CMSS1: variants seen among roughly 807,000 people sequenced by gnomAD.
The protein encoded by CMSS1 is cms1 ribosomal small subunit homolog.
CMSS1 carries 33 observed loss-of-function variants against 43.5 expected under a neutral mutation model. The observed-to-expected ratio is 0.76, with a 90% CI of 0.57 to 1.01. The LOEUF is 1.01. CMSS1 is among the 50% of genes least tolerant of loss of function. The pLI is 0.00. For synonymous variants in CMSS1, 115 were observed against 117.2 expected (o/e 0.98, Z 0.12); for missense variants, 313 against 326.4 (o/e 0.96, Z 0.32).
intron 1 of CMSS1, among the ~76,000 whole-genome samples, chr3:100,091,233 C>T (rs1228629658): frequency 6.8e-6 from 1 of 147,410 alleles, no homozygotes; most frequent in Non-Finnish European, 1.5e-5. Context: ...TGCAGTGAGC[C>T]GAGATTGCGC....
intron 1 of CMSS1, among the ~76,000 whole-genome samples, chr3:99,832,379 C>T (rs1478275497): frequency 6.6e-6 from 1 of 150,924 alleles, no homozygotes; most frequent in Non-Finnish European, 1.5e-5. Flanking sequence ...CACAGGCGAC[C>T]GCCACCACGC....
At chr3:100,047,138 A>T (rs2065290295) in intron 1 of CMSS1, among the ~76,000 whole-genome samples, 1 of 152,330 alleles carries the variant, frequency 6.6e-6, no homozygotes, top group Non-Finnish European at 1.5e-5. Flanking sequence ...TAAAATGGGT[A>T]TAATACTTTC....
At chr3:100,089,321 G>A (rs1284185888) in intron 1 of CMSS1, among the ~76,000 whole-genome samples, 3 of 152,066 alleles carry the variant, frequency 2.0e-5, no homozygotes, top group African/African-American at 4.8e-5. Flanking sequence ...ATTACTACAC[G>A]CATATCCACA....
intron 1 of CMSS1, among the ~76,000 whole-genome samples, chr3:99,831,236 A>G (rs1942659634): frequency 6.6e-6 from 1 of 152,230 alleles, no homozygotes; most frequent in Admixed American, 6.5e-5. Context: ...TAATGAGGCC[A>G]AAGCTTCAGG....
chr3:99,950,303 A>G (rs1277729684), intron 1 of CMSS1, among the ~76,000 whole-genome samples: 2 of 152,182 alleles, frequency 1.3e-5, no homozygotes, highest in African/African-American at 4.8e-5. Flanking sequence ...CTCTTACTAA[A>G]TGTTAGAAAT....
chr3:99,882,772 C>G (rs1348812891), intron 1 of CMSS1, among the ~76,000 whole-genome samples: 1 of 152,142 alleles, frequency 6.6e-6, no homozygotes, highest in Non-Finnish European at 1.5e-5. Context: ...GAGTAATTTA[C>G]CTAGCTTATA....
intron 1 of CMSS1, among the ~76,000 whole-genome samples, chr3:100,097,194 G>T (rs1424541739): frequency 6.6e-6 from 1 of 152,190 alleles, no homozygotes; most frequent in Non-Finnish European, 1.5e-5. Context: ...TTATGAGAAA[G>T]ACTAATTCCA....
intron 1 of CMSS1, among the ~76,000 whole-genome samples, chr3:100,067,485 AG>A (rs1003864184): frequency 3.3e-5 from 5 of 152,188 alleles, no homozygotes; most frequent in African/African-American, 9.7e-5. Flanking sequence ...GATTGAGGAT[AG>A]TGAGTGTTTT....
At chr3:99,959,374 T>C (rs1259610602) in intron 1 of CMSS1, among the ~76,000 whole-genome samples, 3 of 152,222 alleles carry the variant, frequency 2.0e-5, no homozygotes, top group African/African-American at 7.2e-5. Flanking sequence ...GGTCTCGAAC[T>C]CCTGTCCTCT....
At chr3:100,124,840 A>G (rs1209530554) in intron 1 of CMSS1, among the ~76,000 whole-genome samples, 1 of 151,980 alleles carries the variant, frequency 6.6e-6, no homozygotes, top group Admixed American at 6.6e-5. Context: ...ATTGATGTCA[A>G]TGGTTTATAA....
chr3:99,906,821 G>A (rs1243406872), intron 1 of CMSS1, among the ~76,000 whole-genome samples: 2 of 152,116 alleles, frequency 1.3e-5, no homozygotes, highest in Non-Finnish European at 2.9e-5. Context: ...TAACTTGAAA[G>A]CAAGACACTT....
rs1394510698 is a variant in CMSS1, at chr3:99,864,083, G to A, written c.64+46040G>A. ...TTTTAATGGAATTAATATGTAGGAG[G>A]TATGGAAGACATATACTTTTGCTGT... On this transcript the variant is annotated intron_variant, in intron 1 of 9. Coordinates refer to ENST00000421999, the MANE Select transcript of CMSS1 (RefSeq NM_032359.4). Among the ~76,000 whole-genome samples the A allele has an allele frequency of 3.3e-5, 5 of 152,210 alleles. No homozygotes were observed. The East Asian group carries it at 5.8e-4, about 18-fold the overall frequency.
chr3:99,854,176 G>A (rs74741071), intron 1 of CMSS1, among the ~76,000 whole-genome samples: 5,892 of 152,260 alleles, frequency 0.039, 146 homozygotes, highest in Non-Finnish European at 0.062. Flanking sequence ...ATAGGGTGAG[G>A]AGGGTGTGGA....
At chr3:100,085,208 A>G (rs763512777) in intron 1 of CMSS1, among the ~76,000 whole-genome samples, 1 of 152,236 alleles carries the variant, frequency 6.6e-6, no homozygotes, top group Non-Finnish European at 1.5e-5. Flanking sequence ...TATACCGTAC[A>G]ACCAACCTGA....
intron 1 of CMSS1, among the ~76,000 whole-genome samples, chr3:100,107,895 A>G (rs1397930004): frequency 6.7e-6 from 1 of 149,174 alleles, no homozygotes; most frequent in African/African-American, 2.4e-5. Context: ...AAAAAAAAAA[A>G]GTTACTTGCT....
intron 1 of CMSS1, among the ~76,000 whole-genome samples, chr3:100,123,449 T>C (rs2066637731): frequency 6.6e-6 from 1 of 152,190 alleles, no homozygotes; most frequent in African/African-American, 2.4e-5. Flanking sequence ...GTGAGTGTTA[T>C]TTTAAGTATA....
At chr3:100,070,612 C>T (rs988597127) in intron 1 of CMSS1, among the ~76,000 whole-genome samples, 1 of 152,038 alleles carries the variant, frequency 6.6e-6, no homozygotes, top group South Asian at 2.1e-4. Context: ...TTCATATCAT[C>T]GTGGGGTTTT....
chr3:100,109,919 A>G (rs1404418795), intron 1 of CMSS1: 1 of 33,870 alleles, frequency 3.0e-5, no homozygotes, highest in Non-Finnish European at 5.8e-5. Flanking sequence ...CCCCCCCAGC[A>G]CCACCCCCCA....
chr3:100,090,589 A>C lies in CMSS1; in HGVS notation c.65-56384A>C, dbSNP rs577485290. 1.1e-4 allele frequency among the ~76,000 whole-genome samples: 17 copies of C among 152,314 alleles called. No homozygotes were observed. In the South Asian group the frequency reaches 3.1e-3, roughly 28 times the overall value. On this transcript the variant is annotated intron_variant, in intron 1 of 9. Transcript: ENST00000421999. ...CCCCTGCCTGGGCTCTTTCTCTGCA[A>C]CACTAGCCTCTGCCTTTCCAAAGCC...
Sources: allele counts gnomAD v4.1 joint callset (sites outside exome capture counted in the v4.1 genomes callset), GRCh38; gene constraint gnomAD v4.1.1; transcripts MANE v1.5; gene names NCBI Gene and HGNC (gene_info 2026-07-23, HGNC 2026-07-21).